The following SIGLEC5 variants were observed in gnomAD, a reference collection of about 807,000 sequenced individuals.
The protein encoded by SIGLEC5 is sialic acid binding Ig like lectin 5.
In SIGLEC5, 34 loss-of-function variants were observed where a neutral mutation model predicts 45.9. That is an observed-to-expected ratio of 0.74 (90% CI 0.56 to 0.99). SIGLEC5 has a LOEUF of 0.99. Among genes scored for constraint, SIGLEC5 ranks in the 50% least tolerant of loss-of-function variants. The pLI, the probability that SIGLEC5 is intolerant of heterozygous loss-of-function variation, is 0.00. For synonymous variants in SIGLEC5, 203 were observed against 258.6 expected (o/e 0.79, Z 2.06); for missense variants, 508 against 629.6 (o/e 0.81, Z 2.07).
At chr19:51,616,566 A>G (rs1456616830) in intron 8 of SIGLEC5, among the ~76,000 whole-genome samples, 1 of 152,164 alleles carries the variant, frequency 6.6e-6, no homozygotes, top group Non-Finnish European at 1.5e-5. Flanking sequence ...GGAAGTAGGG[A>G]AGGATGAAGA....
At chr19:51,627,805 G>T in intron 5 of SIGLEC5, 29 bp downstream of exon 5, 1 of 1,581,866 alleles carries the variant, frequency 6.3e-7, no homozygotes, top group Non-Finnish European at 8.6e-7. Context: ...ATACCATGCA[G>T]TTCCTGCTCC....
At chr19:51,612,576 T>A (rs1982898684) in intron 8 of SIGLEC5, among the ~76,000 whole-genome samples, 154 bp from the exon 9 acceptor site, 1 of 152,228 alleles carries the variant, frequency 6.6e-6, no homozygotes, top group Non-Finnish European at 1.5e-5. Flanking sequence ...TGGACACAAT[T>A]TCCAATTCTC....
At chr19:51,624,700 G>A (rs950620452) in intron 8 of SIGLEC5, among the ~76,000 whole-genome samples, 10 of 152,086 alleles carry the variant, frequency 6.6e-5, no homozygotes, top group Non-Finnish European at 1.3e-4. Flanking sequence ...CGCACGCGGT[G>A]GCTCACACCT....
intron 6 of SIGLEC5, 89 bp from the exon 7 acceptor site, chr19:51,627,337 C>T (rs1983522838): frequency 1.3e-6 from 2 of 1,539,840 alleles, no homozygotes; most frequent in South Asian, 1.2e-5. Flanking sequence ...CAGGGCCCTG[C>T]TCAGACAGGA....
intron 4 of SIGLEC5, among the ~76,000 whole-genome samples, chr19:51,628,755 T>C (rs1184573402): frequency 1.4e-5 from 2 of 142,152 alleles, no homozygotes; most frequent in African/African-American, 2.5e-5. Flanking sequence ...TGTGCATGTG[T>C]GTGTGTATGT....
intron 8 of SIGLEC5, among the ~76,000 whole-genome samples, chr19:51,615,044 C>T (rs1326355067): frequency 6.6e-6 from 1 of 152,184 alleles, no homozygotes; most frequent in East Asian, 1.9e-4. Context: ...GAATGCAGGA[C>T]GTCAAACTCC....
chr19:51,621,633 G>C (rs1022061706), intron 8 of SIGLEC5: 1 of 152,096 alleles, frequency 6.6e-6, no homozygotes, highest in Non-Finnish European at 1.5e-5. Context: ...TTAAAAATAG[G>C]AATATCACTA....
intron 8 of SIGLEC5, among the ~76,000 whole-genome samples, chr19:51,618,782 A>T (rs541724823): frequency 2.4e-4 from 24 of 101,006 alleles, no homozygotes; most frequent in Non-Finnish European, 3.6e-4. Flanking sequence ...ACAGAGTGAG[A>T]CTCTGTCTCC....
chr19:51,612,291 C>G lies in SIGLEC5; in HGVS notation c.1596G>C (p.Glu532Asp). The G allele has an allele frequency of 6.2e-7, 1 of 1,612,826 alleles. No homozygotes were observed. Among genetic ancestry groups the G allele is most frequent in the Non-Finnish European group, 8.5e-7 (1 of 1,179,590 alleles). Reference protein sequence around the residue: ...SLSFSEMKSREPKDQEAPSTT... With the variant: ...SLSFSEMKSRDPKDQEAPSTT... The stretch of plus-strand genomic sequence containing the variant: ...TGCTTGGGGCCTCCTGGTCCTTAGG[C>G]TCCCTCGACTTCATCTCAGAAAAAC... Residue 532 changes from glutamate (E) to aspartate (D), a missense_variant, in exon 9 of 9, where the codon GAG (glutamate) becomes GAC (aspartate). By Grantham distance (45) the Glu-to-Asp change is conservative. Around this residue, in one of 2 missense-constraint regions of SIGLEC5, gnomAD observed 431 missense variants for 428.8 expected, o/e 1.01. Coordinates refer to ENST00000683636, the MANE Select transcript of SIGLEC5 (RefSeq NM_003830.4).
intron 4 of SIGLEC5, among the ~76,000 whole-genome samples, chr19:51,628,826 CGTGTGT>C (rs888817069): frequency 7.5e-6 from 1 of 133,668 alleles, no homozygotes; most frequent in Non-Finnish European, 1.6e-5. Flanking sequence ...TGTGTGTGTG[CGTGTGT>C]GTGTGCGTGT....
At position 51,627,579 on chromosome 19, in the gene SIGLEC5, C is replaced by T; in HGVS notation, c.1165G>A (p.Gly389Arg). 6.2e-7 allele frequency: 1 copy of T among 1,614,080 alleles called. No homozygotes were observed. The highest frequency in any genetic ancestry group is 8.5e-7 in the Non-Finnish European group (1 of 1,180,034). ...GSFKVNSSSA[G>R]PWANSSLILH... ...ATCAGGGAGCTGTTGGCCCAGGGCCCAGCTGAGCTGGAGTTGACCTTGAAT... is the reference window on the plus strand; with the variant it reads ...ATCAGGGAGCTGTTGGCCCAGGGCCTAGCTGAGCTGGAGTTGACCTTGAAT... Residue 389 changes from glycine to arginine, a missense_variant, in exon 6 of 9, where the codon GGG (glycine) becomes AGG (arginine). Coordinates refer to ENST00000683636, the MANE Select transcript of SIGLEC5 (RefSeq NM_003830.4).
rs549289404 is a variant in SIGLEC5, at chr19:51,618,461, A to C, written c.1465-6039T>G. The stretch of plus-strand genomic sequence containing the variant: ...CCCTGCCTAAAAAAAAAAAAAAAAA[A>C]AAAAAAACATCCAGTCGAACAGACT... On this transcript the variant is annotated intron_variant, in intron 8 of 8. Transcript: ENST00000683636. Among the ~76,000 whole-genome samples, 5 of 150,164 alleles carry C rather than the reference A, an allele frequency of 3.3e-5. No homozygotes were observed. The East Asian group carries it at 9.7e-4, about 29-fold the overall frequency.
chr19:51,627,952 G>A lies in SIGLEC5; in HGVS notation c.879C>T (p.Ile293=), dbSNP rs767791474. The A allele has an allele frequency of 1.2e-5, 19 of 1,614,026 alleles. No homozygotes were observed. In the South Asian group the frequency reaches 2.0e-4, roughly 17 times the overall value. Residue 293 remains isoleucine, a synonymous_variant, in exon 5 of 9, where the codon ATC becomes ATT. Coordinates refer to ENST00000683636, the MANE Select transcript of SIGLEC5 (RefSeq NM_003830.4). ...QGSPALNATP[I]SNTGILELRR... Reference sequence around the variant, plus strand: ...GAAGCTCCAAGATCCCGGTATTGGAGATGGGGGTGGCGTTCAGGGCAGGGG... The same window carrying A: ...GAAGCTCCAAGATCCCGGTATTGGAAATGGGGGTGGCGTTCAGGGCAGGGG...
chr19:51,613,249 T>G (rs1332698906), intron 8 of SIGLEC5, among the ~76,000 whole-genome samples: 2 of 151,690 alleles, frequency 1.3e-5, no homozygotes, highest in Admixed American at 6.6e-5. Context: ...GATAAAGGAG[T>G]ATTCTGTGAA....
Position 51,627,693 on chromosome 19 carries a change from A to C in SIGLEC5, c.1051T>G (p.Cys351Gly), listed in dbSNP as rs768858546. 5.0e-6 allele frequency: 8 copies of C among 1,606,720 alleles called. No homozygotes were observed. The highest frequency in any genetic ancestry group is 6.8e-6 in the Non-Finnish European group (8 of 1,175,870). ...SCSWEAEGLH[C>G]RCSFRARPAP... Reference sequence around the variant, plus strand: ...GGCCGGGCTCGAAAGGAGCATCTGCAGTGCAGACCCTCAGCCTCCCAGGAG... The same window carrying C: ...GGCCGGGCTCGAAAGGAGCATCTGCCGTGCAGACCCTCAGCCTCCCAGGAG... Residue 351 changes from cysteine to glycine, a missense_variant, in exon 6 of 9, where the codon TGC becomes GGC. Physicochemically the swap from Cys to Gly is radical, Grantham distance 159. Coordinates refer to ENST00000683636, the MANE Select transcript of SIGLEC5 (RefSeq NM_003830.4).
chr19:51,618,879 T>C (rs1260129882), intron 8 of SIGLEC5, among the ~76,000 whole-genome samples: 1 of 148,808 alleles, frequency 6.7e-6, no homozygotes, highest in East Asian at 2.0e-4. Flanking sequence ...TGAGAAGATA[T>C]AATGCTTTTC....
In SIGLEC5 at chr19:51,627,963, C is replaced by T. The variant is rs764295708; in HGVS notation, c.868G>A (p.Ala290Thr). ...ATCCCGGTATTGGAGATGGGGGTGGCGTTCAGGGCAGGGGAGCCCTGGAAC... is the reference window on the plus strand; with the variant it reads ...ATCCCGGTATTGGAGATGGGGGTGGTGTTCAGGGCAGGGGAGCCCTGGAAC... ...SWFQGSPALN[A>T]TPISNTGILE... Residue 290 changes from alanine (A) to threonine (T), a missense_variant, in exon 5 of 9, where the codon GCC becomes ACC. Ala to Thr is a moderately conservative substitution (Grantham distance 58). Around this residue, in one of 2 missense-constraint regions of SIGLEC5, gnomAD observed 431 missense variants for 428.8 expected, o/e 1.01. Coordinates refer to ENST00000683636, the MANE Select transcript of SIGLEC5 (RefSeq NM_003830.4). 8.7e-6 allele frequency: 14 copies of T among 1,613,842 alleles called. No homozygotes were observed. The highest frequency in any genetic ancestry group is 4.5e-5 in the East Asian group (2 of 44,890).
In SIGLEC5 at chr19:51,612,369, A is replaced by G. The variant is rs1390951140; in HGVS notation, c.1518T>C (p.Pro506=). The G allele has an allele frequency of 6.2e-7, 1 of 1,613,356 alleles. No homozygotes were observed. Among genetic ancestry groups the G allele is most frequent in the Non-Finnish European group, 8.5e-7 (1 of 1,179,632 alleles). The change falls in exon 9 of 9, where the codon CCT becomes CCC. Residue 506 remains proline, a synonymous_variant. Coordinates refer to ENST00000683636, the MANE Select transcript of SIGLEC5 (RefSeq NM_003830.4). ...GTTCTTCCAAGGGAGGGGCATCCCC[A>G]GGAGGAGATGCTTGATCTCCGGGGC... ...PDSPGDQASP[P]GDAPPLEEQK... is the part of the protein sequence containing the mutation.
At position 51,611,319 on chromosome 19, in the gene SIGLEC5, C is replaced by G. The variant is rs1982841924; in HGVS notation, c.*912G>C. ...TTCAGTCCACTCTTCCAACTCAAGACCACCCATTAACTCATGTTTGGAGGA... is the reference window on the plus strand; with the variant it reads ...TTCAGTCCACTCTTCCAACTCAAGAGCACCCATTAACTCATGTTTGGAGGA... On this transcript the variant is annotated 3_prime_UTR_variant, in exon 9 of 9. Coordinates refer to ENST00000683636, the MANE Select transcript of SIGLEC5 (RefSeq NM_003830.4). Among the ~76,000 whole-genome samples the G allele has an allele frequency of 1.3e-5, 2 of 152,164 alleles. No individual in the cohort carries two copies.
Sources: gnomAD v4.1 joint callset for allele counts (sites outside exome capture counted in the v4.1 genomes callset) on GRCh38, gnomAD v4.1.1 for gene constraint, gnomAD v4.1.1 regional missense constraint, MANE v1.5 for transcripts, NCBI Gene and HGNC (gene_info 2026-07-23, HGNC 2026-07-21) for gene names.